Variants in SLC12A9 observed in about 807,000 individuals in gnomAD.
The protein encoded by SLC12A9 is solute carrier family 12 member 9.
SLC12A9 carries 55 observed loss-of-function variants against 66.0 expected under a neutral mutation model. That is an observed-to-expected ratio of 0.83 (90% CI 0.67 to 1.04). The LOEUF (loss-of-function observed/expected upper bound fraction) is 1.04, where lower values mean the gene tolerates loss of function less well. Among genes scored for constraint, SLC12A9 ranks in the 50% least tolerant of loss-of-function variants. SLC12A9 has a pLI of 0.00. For synonymous variants in SLC12A9, 577 were observed against 569.0 expected (o/e 1.01, Z -0.20); for missense variants, 1,061 against 1,241.9 (o/e 0.85, Z 2.19).
intron 1 of SLC12A9, among the ~76,000 whole-genome samples, chr7:100,853,603 C>G (rs960242613): frequency 4.6e-5 from 7 of 151,856 alleles, no homozygotes; most frequent in African/African-American, 2.4e-5. Flanking sequence ...CTCTGTCACC[C>G]AGGCTGGAGT....
intron 1 of SLC12A9, among the ~76,000 whole-genome samples, chr7:100,829,073 C>T (rs1813490917): frequency 6.6e-6 from 1 of 151,820 alleles, no homozygotes; most frequent in Non-Finnish European, 1.5e-5. Flanking sequence ...CTGCAACCTC[C>T]GCCTCCCAGG....
chr7:100,861,568 C>T lies in SLC12A9; in HGVS notation c.1520C>T (p.Ala507Val). The T allele has an allele frequency of 1.9e-6, 3 of 1,613,374 alleles. No homozygotes were observed. Among genetic ancestry groups the T allele is most frequent in the Non-Finnish European group, 2.5e-6 (3 of 1,179,856 alleles). The change falls in exon 11 of 14, where the codon GCC (alanine) becomes GTC (valine). Residue 507 changes from alanine to valine, a missense_variant. By Grantham distance (64) the Ala-to-Val change is moderately conservative. Coordinates refer to ENST00000354161, the MANE Select transcript of SLC12A9 (RefSeq NM_020246.4). The surrounding 1 kb of genome is among the most constrained non-coding windows in gnomAD (Gnocchi z 5.3). ...GPSSWGYVSQ[A>V]LLFHQVRKYL... ...AGTAGCTGGGGCTATGTCAGCCAGG[C>T]CTTGCTTTTCCACCAGGTATGGGGA... is the stretch of plus-strand genomic sequence containing the variant.
At chr7:100,855,153 G>A (rs1814310271) in intron 3 of SLC12A9, among the ~76,000 whole-genome samples, 2 of 152,168 alleles carry the variant, frequency 1.3e-5, no homozygotes, top group African/African-American at 4.8e-5. Context: ...AACAGAGCAA[G>A]ACTCTGACTC....
intron 3 of SLC12A9, 36 bp downstream of exon 3, chr7:100,854,790 G>C (rs776890600): frequency 1.4e-5 from 22 of 1,610,774 alleles, no homozygotes; most frequent in Non-Finnish European, 1.9e-5. Context: ...GGTCTGGCCT[G>C]TTCTGCCTGC....
chr7:100,854,770 G>T lies in SLC12A9; in HGVS notation c.316+16G>T, dbSNP rs375615099. ...GGAGCCTACTGTATCCTCCAACATC[G>T]ATGGACTGGGGTCTGGCCTGTTCTG... On this transcript the variant is annotated intron_variant, in intron 3 of 13. Coordinates refer to ENST00000354161, the MANE Select transcript of SLC12A9 (RefSeq NM_020246.4). 1.2e-6 allele frequency: 2 copies of T among 1,613,578 alleles called. No homozygotes were observed. Among genetic ancestry groups the T allele is most frequent in the Admixed American group, 1.7e-5 (1 of 60,008 alleles).
intron 5 of SLC12A9, chr7:100,858,299 CT>C (rs1814520328): frequency 6.6e-6 from 1 of 152,382 alleles, no homozygotes; most frequent in Admixed American, 6.5e-5. Context: ...GTAATCCCAG[CT>C]ACCTGAGAGG....
At chr7:100,829,317 G>GA (rs1340907851) in intron 1 of SLC12A9, among the ~76,000 whole-genome samples, 1 of 152,100 alleles carries the variant, frequency 6.6e-6, no homozygotes, top group Non-Finnish European at 1.5e-5. Context: ...AGCCCAGCAA[G>GA]AGAGACGTTG....
At chr7:100,827,791 T>C (rs1042545191) in intron 1 of SLC12A9, among the ~76,000 whole-genome samples, 4 of 152,088 alleles carry the variant, frequency 2.6e-5, no homozygotes, top group East Asian at 1.9e-4. Flanking sequence ...GGACCGAGCA[T>C]GTCGGGGCTG....
chr7:100,837,135 G>A (rs1813677140), intron 1 of SLC12A9, among the ~76,000 whole-genome samples: 1 of 152,056 alleles, frequency 6.6e-6, no homozygotes, highest in South Asian at 2.1e-4. Context: ...TAGAGATGGG[G>A]GCTCGCTATG....
intron 1 of SLC12A9, among the ~76,000 whole-genome samples, chr7:100,838,918 T>C (rs888459566): frequency 6.6e-6 from 1 of 152,060 alleles, no homozygotes; most frequent in African/African-American, 2.4e-5. Context: ...GCTTATCCTG[T>C]TTTGTTCCGA....
At chr7:100,853,192 A>G (rs1814175163) in intron 1 of SLC12A9, 1 of 151,432 alleles carries the variant, frequency 6.6e-6, no homozygotes, top group Non-Finnish European at 1.5e-5. Flanking sequence ...CGGTGATTGC[A>G]TTGGGGGGCT....
At chr7:100,846,294 C>T (rs975180241) in intron 1 of SLC12A9, among the ~76,000 whole-genome samples, 5 of 152,006 alleles carry the variant, frequency 3.3e-5, no homozygotes, top group Admixed American at 2.6e-4. Flanking sequence ...AGGCCGGGCG[C>T]GGTGGCTCAC....
At chr7:100,837,864 T>TG (rs1813696826) in intron 1 of SLC12A9, among the ~76,000 whole-genome samples, 1 of 142,442 alleles carries the variant, frequency 7.0e-6, no homozygotes, top group African/African-American at 2.6e-5. Context: ...TTTTTTTTTT[T>TG]TTTTTTTTTT....
chr7:100,843,673 G>A (rs1813835532), intron 1 of SLC12A9, among the ~76,000 whole-genome samples: 1 of 152,176 alleles, frequency 6.6e-6, no homozygotes, highest in Non-Finnish European at 1.5e-5. Flanking sequence ...TAACCCTTAG[G>A]CAAAACCTGA....
intron 9 of SLC12A9, 189 bp from the exon 10 acceptor site, chr7:100,860,949 T>G: frequency 9.7e-7 from 1 of 1,029,974 alleles, no homozygotes. Flanking sequence ...CACTGGCACT[T>G]TTGGGGTTTA....
intron 1 of SLC12A9, among the ~76,000 whole-genome samples, chr7:100,837,857 T>TG (rs1443984349): frequency 3.3e-4 from 28 of 84,904 alleles, no homozygotes; most frequent in South Asian, 3.2e-3. Flanking sequence ...TTCAATTTTT[T>TG]TTTTTTTTTT....
intron 1 of SLC12A9, among the ~76,000 whole-genome samples, chr7:100,844,387 G>GTGTT: frequency 6.6e-6 from 1 of 152,096 alleles, no homozygotes. Context: ...GCTCACAAAC[G>GTGTT]ATATGAGTAA....
chr7:100,846,034 CT>C (rs1463888590), intron 1 of SLC12A9, among the ~76,000 whole-genome samples: 1 of 152,192 alleles, frequency 6.6e-6, no homozygotes, highest in African/African-American at 2.4e-5. Context: ...GAAATTTAAC[CT>C]TACTAATTGC....
rs549992977 is a variant in SLC12A9, at chr7:100,862,386, G to A, written c.1712-295G>A. ...TAATCCTCCTGCCTTGGCCTCCTGA[G>A]TAGCTGGGACTACAGGTGTGTGCCA... is the stretch of plus-strand genomic sequence containing the variant. On this transcript the variant is annotated intron_variant, in intron 12 of 13. Transcript: ENST00000354161. Among the ~76,000 whole-genome samples, 6 of 152,230 alleles carry A rather than the reference G, an allele frequency of 3.9e-5. No individual in the cohort carries two copies. In the South Asian group the frequency reaches 8.3e-4, roughly 21 times the overall value.
Sources: allele counts gnomAD v4.1 joint callset (sites outside exome capture counted in the v4.1 genomes callset), GRCh38; gene constraint gnomAD v4.1.1; non-coding constraint Gnocchi (gnomAD v3.1); transcripts MANE v1.5; gene names NCBI Gene and HGNC (gene_info 2026-07-23, HGNC 2026-07-21).